Variants in MAP2K1 observed in about 807,000 individuals in gnomAD.
The protein encoded by MAP2K1 is dual specificity mitogen-activated protein kinase kinase 1.
A neutral mutation model predicts 46.3 loss-of-function variants in MAP2K1; 16 were observed. The observed-to-expected ratio is 0.35, with a 90% confidence interval of 0.23 to 0.52. MAP2K1 has a LOEUF of 0.52. Ranked by LOEUF, MAP2K1 falls within the 20% of genes least tolerant of loss-of-function variation. The pLI is 0.94. For missense variants in MAP2K1, 263 were observed against 497.1 expected (o/e 0.53, Z 4.48); for synonymous variants, 183 against 185.6 (o/e 0.99, Z 0.11).
chr15:66,431,046 T>G (rs1019389708), intron 1 of MAP2K1, among the ~76,000 whole-genome samples: 3 of 152,238 alleles, frequency 2.0e-5, no homozygotes, highest in African/African-American at 7.2e-5. Context: ...TGATGGAGGT[T>G]GGAGCCGATC....
chr15:66,447,730 A>C (rs1244238974), intron 5 of MAP2K1, among the ~76,000 whole-genome samples: 2 of 152,076 alleles, frequency 1.3e-5, no homozygotes, highest in South Asian at 4.2e-4. Context: ...TATACATAAA[A>C]TTTACCATTT....
intron 1 of MAP2K1, among the ~76,000 whole-genome samples, chr15:66,423,413 A>G (rs555706659): frequency 2.1e-5 from 3 of 143,496 alleles, no homozygotes; most frequent in South Asian, 2.2e-4. Flanking sequence ...CCACTTCCCA[A>G]CCCTTCTTGA....
intron 4 of MAP2K1, among the ~76,000 whole-genome samples, chr15:66,443,756 C>G (rs371983703): frequency 4.6e-5 from 7 of 152,110 alleles, no homozygotes; most frequent in Admixed American, 2.0e-4. Flanking sequence ...ACGTGTAGTC[C>G]CAGCTACTTG....
chr15:66,431,450 G>GA (rs886803924), intron 1 of MAP2K1, among the ~76,000 whole-genome samples: 29 of 149,462 alleles, frequency 1.9e-4, no homozygotes, highest in South Asian at 8.5e-4. Context: ...TTCATTCTCT[G>GA]AAAAAAAAAA....
chr15:66,460,005 T>C (rs1213807439), intron 5 of MAP2K1, among the ~76,000 whole-genome samples: 1 of 152,168 alleles, frequency 6.6e-6, no homozygotes, highest in Non-Finnish European at 1.5e-5. Context: ...TATCTGTGTG[T>C]GACTAAGGAC....
At chr15:66,444,058 A>G (rs1218743540) in intron 4 of MAP2K1, among the ~76,000 whole-genome samples, 3 of 151,872 alleles carry the variant, frequency 2.0e-5, no homozygotes, top group Non-Finnish European at 4.4e-5. Context: ...ACCAACATGG[A>G]GAAACCCCCA....
chr15:66,490,530 C>T lies in MAP2K1; in HGVS notation c.1097C>T (p.Ala366Val). 6.2e-7 allele frequency: 1 copy of T among 1,613,964 alleles called. No individual in the cohort carries two copies. The highest frequency in any genetic ancestry group is 1.1e-5 in the South Asian group (1 of 91,078). ...MVHAFIKRSDAEEVDFAGWLC... is the reference protein window; with the variant it reads ...MVHAFIKRSDVEEVDFAGWLC... Reference sequence around the variant, plus strand: ...CATGCTTTTATCAAGAGATCTGATGCTGAGGAAGTGGATTTTGCAGGTTGG... The same window carrying T: ...CATGCTTTTATCAAGAGATCTGATGTTGAGGAAGTGGATTTTGCAGGTTGG... The change falls in exon 11 of 11, where the codon GCT becomes GTT. Residue 366 changes from alanine to valine, a missense_variant. Physicochemically the swap from Ala to Val is moderately conservative, Grantham distance 64. Transcript: ENST00000307102.
chr15:66,475,567 T>C (rs1169740869), intron 5 of MAP2K1, among the ~76,000 whole-genome samples: 1 of 152,146 alleles, frequency 6.6e-6, no homozygotes, highest in East Asian at 1.9e-4. Flanking sequence ...CCTTAGGGAA[T>C]TCAGCTGCTT....
Position 66,395,769 on chromosome 15 carries a change from C to T in MAP2K1, c.80+8342C>T, listed in dbSNP as rs530500831. 4.0e-5 allele frequency among the ~76,000 whole-genome samples: 6 copies of T among 151,456 alleles called. No individual in the cohort carries two copies. The South Asian group carries it at 1.0e-3, about 26-fold the overall frequency. On this transcript the variant is annotated intron_variant, in intron 1 of 10. Transcript: ENST00000307102. ...TTCTTGTTATTTTTAGTAGAGACGG[C>T]GTCTCACCATGTTGCCCAGCCTGGT...
chr15:66,443,235 T>C, intron 3 of MAP2K1, 45 bp from the exon 4 acceptor site: 1 of 1,226,210 alleles, frequency 8.2e-7, no homozygotes, highest in African/African-American at 1.5e-5. Flanking sequence ...CTTGAAAGAA[T>C]AGTTAGAACA....
chr15:66,456,428 G>C (rs1473748068), intron 5 of MAP2K1, among the ~76,000 whole-genome samples: 1 of 152,160 alleles, frequency 6.6e-6, no homozygotes, highest in Non-Finnish European at 1.5e-5. Context: ...GTATGGTTTG[G>C]GTCACCAGGA....
chr15:66,426,831 A>T (rs2093460333), intron 1 of MAP2K1, among the ~76,000 whole-genome samples: 1 of 152,212 alleles, frequency 6.6e-6, no homozygotes, highest in African/African-American at 2.4e-5. Context: ...CAGTGCTAAA[A>T]TTCTCTAATC....
chr15:66,420,785 A>G (rs750200012), intron 1 of MAP2K1, among the ~76,000 whole-genome samples: 2 of 59,890 alleles, frequency 3.3e-5, no homozygotes, highest in East Asian at 7.3e-4. Flanking sequence ...ATGTGTATAT[A>G]TATGTGTGTA....
Position 66,490,501 on chromosome 15 carries a change from G to C in MAP2K1, c.1069-1G>C. ...ACGTCCTCTCGTTTCCTTACATGCA[G>C]GTTCATGCTTTTATCAAGAGATCTG... On this transcript the variant is annotated splice_acceptor_variant, in intron 10 of 10. Coordinates refer to ENST00000307102, the MANE Select transcript of MAP2K1 (RefSeq NM_002755.4). LOFTEE classifies it high-confidence loss of function. 1 of 1,606,814 alleles carries C rather than the reference G, an allele frequency of 6.2e-7. No homozygotes were observed. The highest frequency in any genetic ancestry group is 8.5e-7 in the Non-Finnish European group (1 of 1,173,364).
In MAP2K1 at chr15:66,487,589, A is replaced by G. The variant is rs565603514; in HGVS notation, c.960+297A>G. On this transcript the variant is annotated intron_variant, in intron 8 of 10. Transcript: ENST00000307102. ...GGGAGGCGGAGGTTGACTCTGGGAA[A>G]AACAAAACAAAACAAAAAAACAAAA... 2.8e-3 allele frequency among the ~76,000 whole-genome samples: 423 copies of G among 151,644 alleles called. No individual in the cohort carries two copies. Among genetic ancestry groups the G allele is most frequent in the Non-Finnish European group, 3.6e-3 (243 of 67,962 alleles).
intron 1 of MAP2K1, among the ~76,000 whole-genome samples, chr15:66,424,423 T>C (rs1567005274): frequency 6.6e-6 from 1 of 152,200 alleles, no homozygotes; most frequent in Non-Finnish European, 1.5e-5. Context: ...AGGTAAATTG[T>C]CTTTATCCTC....
intron 1 of MAP2K1, among the ~76,000 whole-genome samples, chr15:66,393,326 T>G (rs2093360998): frequency 6.6e-6 from 1 of 152,026 alleles, no homozygotes; most frequent in South Asian, 2.1e-4. Context: ...TACAGGTGCC[T>G]GACACCATGC....
chr15:66,424,540 T>C (rs1025569375), intron 1 of MAP2K1, among the ~76,000 whole-genome samples: 8 of 152,226 alleles, frequency 5.3e-5, no homozygotes, highest in African/African-American at 1.9e-4. Flanking sequence ...ATGCATCACA[T>C]GCTTCAAATT....
intron 5 of MAP2K1, among the ~76,000 whole-genome samples, chr15:66,445,547 A>G (rs1891847827): frequency 6.6e-6 from 1 of 152,280 alleles, no homozygotes; most frequent in South Asian, 2.1e-4. Flanking sequence ...TGTTTAAAGA[A>G]GCTGTATTTC....
Sources: allele counts gnomAD v4.1 joint callset (sites outside exome capture counted in the v4.1 genomes callset), GRCh38; gene constraint gnomAD v4.1.1; transcripts MANE v1.5; gene names NCBI Gene and HGNC (gene_info 2026-07-23, HGNC 2026-07-21).